Variants in FRMPD3 observed in about 807,000 individuals in gnomAD.
FRMPD3 encodes the protein FERM and PDZ domain containing 3.
A neutral mutation model predicts 97.9 loss-of-function variants in FRMPD3; 42 were observed. The observed-to-expected ratio is 0.43, with a 90% CI of 0.34 to 0.55. The LOEUF is 0.55. Among genes scored for constraint, FRMPD3 ranks in the 20% least tolerant of loss-of-function variants. The probability of loss-of-function intolerance (pLI) is 0.03; values close to 1 mark genes in which losing one functional copy is unlikely to be tolerated. For synonymous variants in FRMPD3, 577 were observed against 581.1 expected (o/e 0.99, Z 0.10); for missense variants, 1,303 against 1,457.7 (o/e 0.89, Z 1.73).
intron 13 of FRMPD3, among the ~76,000 whole-genome samples, chrX:107,593,405 C>T (rs1161927899): frequency 8.9e-6 from 1 of 111,779 alleles, no homozygotes; most frequent in Non-Finnish European, 1.9e-5. Flanking sequence ...TTAATTAAGT[C>T]CCAACTATTT....
intron 3 of FRMPD3, among the ~76,000 whole-genome samples, chrX:107,532,197 T>G (rs1922999667): frequency 8.9e-6 from 1 of 112,954 alleles, no homozygotes; most frequent in African/African-American, 3.2e-5. Context: ...TCAGGAGTGC[T>G]GGGCACAGGG....
rs374283715 is a variant in FRMPD3 at position 107,517,781 on chromosome X, GA to G, written c.-7-8797del. On this transcript the variant is annotated intron_variant, in intron 1 of 14. Coordinates refer to ENST00000683843, the MANE Select transcript of FRMPD3 (RefSeq NM_001388459.1). ...TGGGAAAAAAAAAAAAAGAAAGAAA[GA>G]AAAGAAAAGAAAAGAAGGAAAGGAA... Among the ~76,000 whole-genome samples, 638 of 76,047 alleles carry G rather than the reference GA, an allele frequency of 8.4e-3. 3 individuals carry two copies. Among genetic ancestry groups the G allele is most frequent in the African/African-American group, 0.032 (562 of 17,811 alleles). The allele number at this position is 76,047 out of a possible 115,157, so 66.0% of individuals were successfully genotyped here.
chrX:107,490,773 G>A (rs777709757), intron 1 of FRMPD3, among the ~76,000 whole-genome samples: 16 of 111,805 alleles, frequency 1.4e-4, no homozygotes, highest in Non-Finnish European at 2.8e-4. Flanking sequence ...AAATGGTAAC[G>A]TGTGGAAAGG....
At chrX:107,555,339 A>G (rs1179657093) in intron 8 of FRMPD3, 1 of 111,941 alleles carries the variant, frequency 8.9e-6, no homozygotes, top group Non-Finnish European at 1.9e-5. Context: ...GCAAGCATAG[A>G]CTTTATGATT....
chrX:107,525,367 G>C (rs773298313), intron 1 of FRMPD3, among the ~76,000 whole-genome samples: 1 of 111,804 alleles, frequency 8.9e-6, no homozygotes, highest in Admixed American at 9.5e-5. Flanking sequence ...ACAGGCCTCA[G>C]TGTCTCTACA....
intron 1 of FRMPD3, among the ~76,000 whole-genome samples, chrX:107,465,266 G>C (rs974758228): frequency 9.0e-6 from 1 of 111,078 alleles, no homozygotes; most frequent in Non-Finnish European, 1.9e-5. Flanking sequence ...TATGTCAGGA[G>C]TTTGAGATCA....
intron 1 of FRMPD3, chrX:107,522,434 G>C: frequency 1.8e-6 from 1 of 558,441 alleles, no homozygotes; most frequent in South Asian, 2.2e-5. Context: ...TGACTGTAGG[G>C]TTGGGGCAGC....
At chrX:107,566,966 A>G (rs934455233) in intron 12 of FRMPD3, among the ~76,000 whole-genome samples, 5 of 111,506 alleles carry the variant, frequency 4.5e-5, no homozygotes, top group Non-Finnish European at 9.4e-5. Flanking sequence ...GACTAGATTC[A>G]CAAAGACACA....
At chrX:107,581,269 C>T (rs1466365565) in intron 13 of FRMPD3, among the ~76,000 whole-genome samples, 2 of 110,036 alleles carry the variant, frequency 1.8e-5, no homozygotes, top group East Asian at 2.8e-4. Context: ...CCACCATGCC[C>T]GGCTAATTTT....
chrX:107,584,178 TTTGTTGTTG>T (rs757930061), intron 13 of FRMPD3, among the ~76,000 whole-genome samples: 1 of 111,464 alleles, frequency 9.0e-6, no homozygotes. Context: ...TGTTTTGTTT[TTTGTTGTTG>T]TTGTTGTTGT....
At chrX:107,450,261 G>T (rs1385373777) in intron 1 of FRMPD3, among the ~76,000 whole-genome samples, 4 of 111,207 alleles carry the variant, frequency 3.6e-5, no homozygotes, top group Non-Finnish European at 7.6e-5. Context: ...CCGCGGGTGC[G>T]GGGTGAGGAG....
chrX:107,558,766 C>T (rs1922217393), intron 8 of FRMPD3, among the ~76,000 whole-genome samples: 1 of 111,514 alleles, frequency 9.0e-6, no homozygotes, highest in African/African-American at 3.3e-5. Context: ...TCACTGCAAC[C>T]TCCACCTCCC....
intron 12 of FRMPD3, among the ~76,000 whole-genome samples, chrX:107,571,799 C>T (rs759922570): frequency 1.8e-5 from 2 of 112,226 alleles, no homozygotes; most frequent in East Asian, 2.8e-4. Flanking sequence ...GCCCTGCAGC[C>T]GGCCAGCTCA....
chrX:107,566,459 A>G (rs893364483), intron 12 of FRMPD3, among the ~76,000 whole-genome samples: 1 of 111,654 alleles, frequency 9.0e-6, no homozygotes, highest in East Asian at 2.8e-4. Flanking sequence ...TGGTTGCTGC[A>G]CTCCTCAGAT....
intron 5 of FRMPD3, among the ~76,000 whole-genome samples, chrX:107,547,194 T>C (rs1470028783): frequency 8.9e-6 from 1 of 111,805 alleles, no homozygotes; most frequent in African/African-American, 3.3e-5. Flanking sequence ...CAGGAGGATA[T>C]GTGTGTCCTG....
chrX:107,594,836 G>A (rs375038660), intron 13 of FRMPD3, among the ~76,000 whole-genome samples: 140 of 110,976 alleles, frequency 1.3e-3, no homozygotes, highest in Middle Eastern at 4.6e-3. Flanking sequence ...AGCTGAGTTC[G>A]TGCCATTGCA....
At chrX:107,468,015 CCT>C (rs1200789354) in intron 1 of FRMPD3, among the ~76,000 whole-genome samples, 2 of 111,724 alleles carry the variant, frequency 1.8e-5, no homozygotes, top group Non-Finnish European at 3.8e-5. Context: ...CTGCAGAAAA[CCT>C]GCCAATCTTC....
chrX:107,525,683 A>G, intron 1 of FRMPD3: 1 of 558,900 alleles, frequency 1.8e-6, no homozygotes, highest in Non-Finnish European at 3.2e-6. Context: ...AGTTGGCATT[A>G]TGGACAATTT....
At chrX:107,570,276 A>G (rs1389720334) in intron 12 of FRMPD3, among the ~76,000 whole-genome samples, 1 of 97,100 alleles carries the variant, frequency 1.0e-5, no homozygotes, top group Non-Finnish European at 1.9e-5. Flanking sequence ...TGCATAGGTT[A>G]CACTGAAGAA....
Sources: gnomAD v4.1 joint callset for allele counts (sites outside exome capture counted in the v4.1 genomes callset) on GRCh38, gnomAD v4.1.1 for gene constraint, MANE v1.5 for transcripts, NCBI Gene and HGNC (gene_info 2026-07-23, HGNC 2026-07-21) for gene names.